LIPA: variants seen among roughly 807,000 people sequenced by gnomAD.
LIPA encodes lysosomal acid lipase/cholesteryl ester hydrolase.
Under a neutral mutation model 40.6 loss-of-function variants are expected in LIPA, and 26 were observed. That is an observed-to-expected ratio of 0.64 (90% CI 0.47 to 0.89). The LOEUF is 0.89. LIPA is among the 40% of genes least tolerant of loss of function. LIPA has a pLI of 0.00. For synonymous variants in LIPA, 188 were observed against 168.4 expected (o/e 1.12, Z -0.90); for missense variants, 455 against 479.6 (o/e 0.95, Z 0.48).
At chr10:89,247,796 A>G (rs965734406) in intron 1 of LIPA, 147 bp from the exon 2 acceptor site, 2 of 503,006 alleles carry the variant, frequency 4.0e-6, no homozygotes, top group African/African-American at 3.9e-5. Flanking sequence ...GACTCCAGCC[A>G]TATCTGAAAG....
chr10:89,384,806 G>T (rs1844193740), intron 2 of LIPA: 3 of 1,344,124 alleles, frequency 2.2e-6, no homozygotes, highest in Admixed American at 4.5e-5. Flanking sequence ...ATTAAATAAT[G>T]CAAACTTAAA....
rs545794568 is a variant in LIPA, at chr10:89,380,151, G to A, written c.61+32640C>T. Among the ~76,000 whole-genome samples, 129 of 152,286 alleles carry A rather than the reference G, an allele frequency of 8.5e-4. 1 individual carries two copies. The highest frequency in any genetic ancestry group is 3.0e-3 in the African/African-American group (126 of 41,552). On this transcript the variant is annotated intron_variant, in intron 2 of 8. Coordinates refer to the LIPA transcript ENST00000371837. ...AGTCTATGTGAGAGGTTTTGCAATG[G>A]CCTGGGCGTATGTTTCTAGAAGCCA...
chr10:89,338,527 C>A, intron 1 of LIPA: 1 of 813,884 alleles, frequency 1.2e-6, no homozygotes. Flanking sequence ...ACCTCACATA[C>A]ATACCCAGAA....
chr10:89,237,835 G>A (rs188400355), intron 3 of LIPA, among the ~76,000 whole-genome samples: 19 of 152,224 alleles, frequency 1.2e-4, no homozygotes, highest in Middle Eastern at 3.4e-3. Flanking sequence ...AATACCAAAG[G>A]CATCGAAGTG....
chr10:89,292,588 C>T (rs1409992038), intron 1 of LIPA: 1 of 152,216 alleles, frequency 6.6e-6, no homozygotes. Context: ...GTGCCAAGCA[C>T]TGTTCTCAGA....
At chr10:89,258,005 T>C (rs1843189547) in intron 1 of LIPA, among the ~76,000 whole-genome samples, 3 of 152,136 alleles carry the variant, frequency 2.0e-5, no homozygotes, top group Admixed American at 1.3e-4. Flanking sequence ...GGGAAAACAT[T>C]GTAACACAGA....
chr10:89,343,458 T>C (rs1160084492), upstream of LIPA, among the ~76,000 whole-genome samples: 1 of 152,160 alleles, frequency 6.6e-6, no homozygotes, highest in Non-Finnish European at 1.5e-5. Context: ...GGAAAGGGCT[T>C]CTAGTTTCTA....
chr10:89,333,962 T>G (rs1224403646), intron 1 of LIPA, among the ~76,000 whole-genome samples: 1 of 152,236 alleles, frequency 6.6e-6, no homozygotes, highest in Non-Finnish European at 1.5e-5. Flanking sequence ...TCTGAAGTGA[T>G]GGACTCCTTG....
rs1323638301 is a variant in LIPA, at chr10:89,213,831, C to T, written c.*997G>A. 1 of 152,144 alleles carries T rather than the reference C, an allele frequency of 6.6e-6. No individual in the cohort carries two copies. Among genetic ancestry groups the T allele is most frequent in the Non-Finnish European group, 1.5e-5 (1 of 68,034 alleles). 9.4% of individuals were successfully genotyped at this position (152,144 alleles called of 1,614,324 possible). On this transcript the variant is annotated 3_prime_UTR_variant, in exon 10 of 10. Transcript: ENST00000336233. ...AGCAGGTGTATTAAAAATAAGGATG[C>T]ATATAAAACTAAGACACAAAATGAA...
chr10:89,230,452 G>A (rs376797893), intron 3 of LIPA, among the ~76,000 whole-genome samples: 26 of 152,158 alleles, frequency 1.7e-4, no homozygotes, highest in South Asian at 1.2e-3. Context: ...GATTTCAGGC[G>A]TGCACCAACA....
intron 1 of LIPA, among the ~76,000 whole-genome samples, chr10:89,299,358 C>A (rs1271718656): frequency 6.6e-6 from 1 of 151,850 alleles, no homozygotes; most frequent in Non-Finnish European, 1.5e-5. Context: ...CTATGGGACA[C>A]CATAAGGTGA....
chr10:89,381,614 T>C (rs894472719), intron 2 of LIPA, among the ~76,000 whole-genome samples: 1 of 152,032 alleles, frequency 6.6e-6, no homozygotes, highest in East Asian at 1.9e-4. Flanking sequence ...CTAAGCATAG[T>C]AGGGAGTTTT....
At chr10:89,242,032 T>C (rs977529156) in intron 3 of LIPA, among the ~76,000 whole-genome samples, 5 of 152,074 alleles carry the variant, frequency 3.3e-5, no homozygotes, top group African/African-American at 1.2e-4. Context: ...CCAAGAATTC[T>C]ACCTTGGAAT....
intron 1 of LIPA, among the ~76,000 whole-genome samples, chr10:89,316,233 G>A (rs772984250): frequency 2.0e-5 from 3 of 152,204 alleles, no homozygotes; most frequent in Middle Eastern, 3.2e-3. Flanking sequence ...GATAGTGGGT[G>A]CAGCCCACAC....
At chr10:89,282,348 A>G (rs1843320098) in intron 1 of LIPA, among the ~76,000 whole-genome samples, 1 of 152,182 alleles carries the variant, frequency 6.6e-6, no homozygotes, top group Non-Finnish European at 1.5e-5. Flanking sequence ...ATGAAAACAG[A>G]TACTTTTGGC....
chr10:89,381,254 C>G (rs1844160712), intron 2 of LIPA, among the ~76,000 whole-genome samples: 1 of 152,176 alleles, frequency 6.6e-6, no homozygotes, highest in Admixed American at 6.5e-5. Context: ...CTCATCATAG[C>G]ACAAGCTCCA....
chr10:89,401,411 G>A (rs528467472), intron 2 of LIPA, among the ~76,000 whole-genome samples: 14 of 152,094 alleles, frequency 9.2e-5, no homozygotes, highest in East Asian at 1.9e-4. Context: ...GTGAGCCACC[G>A]CACCCAGCCT....
At chr10:89,387,172 C>T (rs1457196506) in intron 2 of LIPA, among the ~76,000 whole-genome samples, 2 of 151,910 alleles carry the variant, frequency 1.3e-5, no homozygotes, top group Admixed American at 6.6e-5. Context: ...AAAAATTAGC[C>T]GGGCGTGGTG....
intron 1 of LIPA, chr10:89,306,559 C>T: frequency 6.2e-7 from 1 of 1,614,106 alleles, no homozygotes; most frequent in Non-Finnish European, 8.5e-7. Flanking sequence ...TGAGGCAAGC[C>T]ATTCGGCTGA....
Sources: allele counts gnomAD v4.1 joint callset (sites outside exome capture counted in the v4.1 genomes callset), GRCh38; gene constraint gnomAD v4.1.1; transcripts MANE v1.5; gene names NCBI Gene and HGNC (gene_info 2026-07-23, HGNC 2026-07-21).